The following RAP1B variants were observed in gnomAD, a reference collection of about 807,000 sequenced individuals.
RAP1B encodes RAP1B, member of RAS oncogene family.
RAP1B carries 1 observed loss-of-function variant against 27.5 expected under a neutral mutation model. The ratio of observed to expected loss-of-function variants is 0.04; its 90% confidence interval spans 0.01 to 0.17. RAP1B has a LOEUF of 0.17. Among genes scored for constraint, RAP1B ranks in the 10% least tolerant of loss-of-function variants. The probability of loss-of-function intolerance (pLI) is 1.00; values close to 1 mark genes in which losing one functional copy is unlikely to be tolerated. For missense variants in RAP1B, 84 were observed against 214.8 expected (o/e 0.39, Z 3.81); for synonymous variants, 75 against 73.1 (o/e 1.03, Z -0.13).
rs1395162186 is a variant in RAP1B, at chr12:68,671,764, G to A, written c.*12515G>A. The stretch of plus-strand genomic sequence containing the variant: ...GGATGACTCGTCTAGAAGAGACATT[G>A]TCAGTAACAAGTAAATAACATTTTC... On this transcript the variant is annotated 3_prime_UTR_variant, in exon 8 of 8. Transcript: ENST00000250559. 6.6e-6 allele frequency: 1 copy of A among 151,838 alleles called. No homozygotes were observed. Among genetic ancestry groups the A allele is most frequent in the Non-Finnish European group, 1.5e-5 (1 of 67,998 alleles). 9.4% of individuals were successfully genotyped at this position (151,838 alleles called of 1,614,324 possible).
rs1266024787 is a variant in RAP1B at position 68,671,316 on chromosome 12, A to G, written c.*12067A>G. Reference sequence around the variant, plus strand: ...ATATCTGTTCAAATTAAATATGCATATTTGACCTCAATTCTACTACTGATA... The same window carrying G: ...ATATCTGTTCAAATTAAATATGCATGTTTGACCTCAATTCTACTACTGATA... On this transcript the variant is annotated 3_prime_UTR_variant, in exon 8 of 8. Coordinates refer to ENST00000250559, the MANE Select transcript of RAP1B (RefSeq NM_001010942.3). 1.3e-5 allele frequency: 2 copies of G among 150,498 alleles called. No homozygotes were observed. The highest frequency in any genetic ancestry group is 3.0e-5 in the Non-Finnish European group (2 of 67,492). The allele number at this position is 150,498 out of a possible 1,614,324, so 9.3% of individuals were successfully genotyped here.
intron 1 of RAP1B, among the ~76,000 whole-genome samples, chr12:68,638,192 G>GGTAGTCACTTGTTT (rs1872757291): frequency 6.6e-6 from 1 of 151,898 alleles, no homozygotes; most frequent in Non-Finnish European, 1.5e-5. Context: ...TTTTTTCCTT[G>GGTAGTCACTTGTTT]GTAGTCACTT....
chr12:68,658,768 G>A (rs1011010611), intron 7 of RAP1B, among the ~76,000 whole-genome samples: 2 of 152,158 alleles, frequency 1.3e-5, no homozygotes, highest in African/African-American at 4.8e-5. Context: ...CTCTGAACGA[G>A]CTTTTTAGCC....
At chr12:68,647,471 T>G (rs1873513391) in intron 1 of RAP1B, among the ~76,000 whole-genome samples, 1 of 139,512 alleles carries the variant, frequency 7.2e-6, no homozygotes, top group South Asian at 2.3e-4. Flanking sequence ...TCCACCCACC[T>G]CAGCCTCCCA....
intron 1 of RAP1B, among the ~76,000 whole-genome samples, chr12:68,621,288 T>G (rs1195087273): frequency 6.6e-6 from 1 of 152,196 alleles, no homozygotes; most frequent in Non-Finnish European, 1.5e-5. Flanking sequence ...CAATTCTGAA[T>G]TAGGGAACAT....
chr12:68,654,074 C>T (rs1565673539), intron 4 of RAP1B, 38 bp from the exon 5 acceptor site: 2 of 1,519,234 alleles, frequency 1.3e-6, no homozygotes, highest in Non-Finnish European at 1.8e-6. Flanking sequence ...ACTGTCAAAA[C>T]ATTATTGTTT....
chr12:68,663,395 GAGAGA>G lies in RAP1B; in HGVS notation c.*4152_*4156del, dbSNP rs1359250000. The stretch of plus-strand genomic sequence containing the variant: ...TACATTTGATATTTCAAGAATACAT[GAGAGA>G]AGAGAGGTAGATTGAGAACAGAACT... On this transcript the variant is annotated 3_prime_UTR_variant, in exon 8 of 8. Transcript: ENST00000250559. The G allele has an allele frequency of 6.6e-6, 1 of 152,116 alleles. No individual in the cohort carries two copies. Among genetic ancestry groups the G allele is most frequent in the Non-Finnish European group, 1.5e-5 (1 of 68,012 alleles). 9.4% of individuals were successfully genotyped at this position (152,116 alleles called of 1,614,324 possible).
At chr12:68,637,768 A>G (rs1872734156) in intron 1 of RAP1B, among the ~76,000 whole-genome samples, 1 of 152,150 alleles carries the variant, frequency 6.6e-6, no homozygotes, top group Admixed American at 6.5e-5. Flanking sequence ...TGTATAAGGA[A>G]AAACTGAGTT....
chr12:68,623,063 G>A (rs1871496929), intron 1 of RAP1B, among the ~76,000 whole-genome samples: 1 of 152,224 alleles, frequency 6.6e-6, no homozygotes, highest in Non-Finnish European at 1.5e-5. Context: ...TTTTATTTAG[G>A]TCATCTGTCT....
chr12:68,635,815 G>GT (rs1400120426), intron 1 of RAP1B, among the ~76,000 whole-genome samples: 2 of 152,070 alleles, frequency 1.3e-5, no homozygotes, highest in Non-Finnish European at 2.9e-5. Flanking sequence ...TAGGGGGTGA[G>GT]TGTAGTAGTT....
intron 7 of RAP1B, among the ~76,000 whole-genome samples, chr12:68,658,675 A>G (rs2135973623): frequency 7.7e-6 from 1 of 129,252 alleles, no homozygotes; most frequent in East Asian, 1.9e-4. Context: ...GTCTTAATAG[A>G]ATGTTTAAAT....
At chr12:68,646,497 T>C (rs1270063519) in intron 1 of RAP1B, among the ~76,000 whole-genome samples, 6 of 152,132 alleles carry the variant, frequency 3.9e-5, no homozygotes, top group African/African-American at 7.2e-5. Context: ...GGTTTCACCA[T>C]ATTGGCCAGG....
At chr12:68,654,698 C>T (rs1220102959) in intron 5 of RAP1B, among the ~76,000 whole-genome samples, 1 of 151,940 alleles carries the variant, frequency 6.6e-6, no homozygotes, top group Non-Finnish European at 1.5e-5. Context: ...AGGATGGTCT[C>T]GATCTCCTGA....
chr12:68,645,920 A>G (rs1873370260), intron 1 of RAP1B, among the ~76,000 whole-genome samples: 2 of 152,226 alleles, frequency 1.3e-5, no homozygotes, highest in South Asian at 4.1e-4. Flanking sequence ...ATGGGTAAAG[A>G]AAATATCATG....
At chr12:68,628,373 G>A (rs1037777910) in intron 1 of RAP1B, among the ~76,000 whole-genome samples, 5 of 152,098 alleles carry the variant, frequency 3.3e-5, no homozygotes, top group Non-Finnish European at 4.4e-5. Flanking sequence ...TTTGTAATAC[G>A]GTTTCGGGTG....
chr12:68,615,653 A>C (rs1296316110), intron 1 of RAP1B, among the ~76,000 whole-genome samples: 1 of 152,158 alleles, frequency 6.6e-6, no homozygotes, highest in Non-Finnish European at 1.5e-5. Flanking sequence ...TTGAGTTACA[A>C]ATCTGTCTCT....
chr12:68,655,287 C>CCAT (rs1874122750), intron 5 of RAP1B, among the ~76,000 whole-genome samples: 1 of 151,060 alleles, frequency 6.6e-6, no homozygotes, highest in African/African-American at 2.5e-5. Flanking sequence ...TCACTGCACT[C>CCAT]CATCTAGGGT....
At chr12:68,653,093 C>A (rs1049329085) in intron 4 of RAP1B, among the ~76,000 whole-genome samples, 10 of 152,226 alleles carry the variant, frequency 6.6e-5, no homozygotes, top group Non-Finnish European at 1.5e-4. Flanking sequence ...CCTGTAGTCC[C>A]AGCTACTCGG....
chr12:68,644,067 A>C (rs953822286), intron 1 of RAP1B, among the ~76,000 whole-genome samples: 15 of 152,300 alleles, frequency 9.8e-5, no homozygotes, highest in African/African-American at 3.6e-4. Flanking sequence ...CTTGAGGTAC[A>C]ATAGATTTCA....
Sources: allele counts gnomAD v4.1 joint callset (sites outside exome capture counted in the v4.1 genomes callset), GRCh38; gene constraint gnomAD v4.1.1; transcripts MANE v1.5; gene names NCBI Gene and HGNC (gene_info 2026-07-23, HGNC 2026-07-21).